The following TICRR variants were observed in gnomAD, a reference collection of about 807,000 sequenced individuals.
TICRR encodes the protein treslin.
TICRR carries 132 observed loss-of-function variants against 178.1 expected under a neutral mutation model. That is an observed-to-expected ratio of 0.74 (90% confidence interval 0.64 to 0.86). The LOEUF is 0.86. TICRR is among the 40% of genes least tolerant of loss of function. The pLI is 0.00. For missense variants in TICRR, 2,587 were observed against 2,334.3 expected, an observed-to-expected ratio of 1.11 and a Z score of -2.23; for synonymous variants, 991 against 900.7, an observed-to-expected ratio of 1.10 and a Z score of -1.79.
intron 9 of TICRR, 91 bp downstream of exon 9, chr15:89,600,776 G>A: frequency 1.6e-6 from 1 of 619,322 alleles, no homozygotes; most frequent in East Asian, 3.1e-5. Flanking sequence ...GTGACATGGT[G>A]GCTCATGCCT....
At chr15:89,622,570 C>G (rs903621002) in intron 19 of TICRR, among the ~76,000 whole-genome samples, 1 of 152,164 alleles carries the variant, frequency 6.6e-6, no homozygotes, top group African/African-American at 2.4e-5. Context: ...CAGTAAATTG[C>G]TTGGAGGTTG....
Position 89,582,718 on chromosome 15 carries a change from G to A in TICRR, c.687G>A (p.Trp229Ter). Residue 229 changes from tryptophan (W) to a stop codon, truncating the protein, a stop_gained, in exon 2 of 22, where the codon TGG becomes TGA. Transcript: ENST00000268138. LOFTEE classifies it high-confidence loss of function. ...LWESPDHLGY[W>*]TVCELLHHGG... ...AATCCCCAGACCACCTTGGATACTG[G>A]ACTGTTTGTGAACTGCTCCACCACG... 1 of 1,614,190 alleles carries A rather than the reference G, an allele frequency of 6.2e-7. No homozygotes were observed. Among genetic ancestry groups the A allele is most frequent in the Non-Finnish European group, 8.5e-7 (1 of 1,180,034 alleles).
chr15:89,584,204 G>A, intron 2 of TICRR, 82 bp from the exon 3 acceptor site: 2 of 1,303,142 alleles, frequency 1.5e-6, no homozygotes, highest in South Asian at 1.6e-5. Flanking sequence ...TCTCTTTTTA[G>A]TATCTATTCC....
rs565360158 is a variant in TICRR at position 89,627,468 on chromosome 15, G to A, written c.*382G>A. 4.6e-6 allele frequency: 1 copy of A among 218,392 alleles called. No homozygotes were observed. Among genetic ancestry groups the A allele is most frequent in the Non-Finnish European group, 9.0e-6 (1 of 110,706 alleles). 13.5% of individuals were successfully genotyped at this position (218,392 alleles called of 1,614,324 possible). On this transcript the variant is annotated 3_prime_UTR_variant, in exon 22 of 22. Coordinates refer to ENST00000268138, the MANE Select transcript of TICRR (RefSeq NM_152259.4). Reference sequence around the variant, plus strand: ...CTGGGGTCCCTTGAGCTGCTGTAAGGCTGGGCTGCTGCGACACAGGCAGCG... The same window carrying A: ...CTGGGGTCCCTTGAGCTGCTGTAAGACTGGGCTGCTGCGACACAGGCAGCG...
chr15:89,586,159 G>A (rs921802761), intron 4 of TICRR, among the ~76,000 whole-genome samples: 18 of 152,076 alleles, frequency 1.2e-4, no homozygotes, highest in Non-Finnish European at 1.9e-4. Flanking sequence ...GTCTGAAATC[G>A]AAGTCATGGT....
chr15:89,583,513 T>A (rs1962767203), intron 2 of TICRR, among the ~76,000 whole-genome samples: 1 of 152,244 alleles, frequency 6.6e-6, no homozygotes, highest in South Asian at 2.1e-4. Flanking sequence ...AAAACTGTTG[T>A]ACATTATGTG....
Position 89,602,691 on chromosome 15 carries a change from C to T in TICRR, c.2568-105C>T, listed in dbSNP as rs1450753678. On this transcript the variant is annotated intron_variant, in intron 12 of 21. Coordinates refer to ENST00000268138, the MANE Select transcript of TICRR (RefSeq NM_152259.4). ...CCCAGAACAACCTTAAGATAACTGG[C>T]TTTTATTTAAATCATATTTTATTTT... The T allele has an allele frequency of 5.4e-6, 3 of 553,966 alleles. No homozygotes were observed. In the East Asian group the frequency reaches 1.1e-4, roughly 20 times the overall value. The allele number at this position is 553,966 out of a possible 1,614,324, so 34.3% of individuals were successfully genotyped here. A position where few individuals can be genotyped will look rare whatever the true frequency, so the allele number is the denominator to read the frequency against.
intron 13 of TICRR, among the ~76,000 whole-genome samples, chr15:89,603,491 A>C (rs1374426772): frequency 6.6e-6 from 1 of 152,234 alleles, no homozygotes; most frequent in Non-Finnish European, 1.5e-5. Context: ...AGTCTAAGGC[A>C]GGGAGATTGC....
chr15:89,610,588 G>T (rs187317522), intron 15 of TICRR, among the ~76,000 whole-genome samples: 24 of 152,090 alleles, frequency 1.6e-4, no homozygotes, highest in African/African-American at 5.8e-4. Flanking sequence ...TAGTGTCTTT[G>T]TATCTAAATT....
chr15:89,625,696 G>T lies in TICRR; in HGVS notation c.5386G>T (p.Asp1796Tyr). 6.2e-7 allele frequency: 1 copy of T among 1,613,674 alleles called. No homozygotes were observed. The highest frequency in any genetic ancestry group is 8.5e-7 in the Non-Finnish European group (1 of 1,180,032). The stretch of plus-strand genomic sequence containing the variant: ...CAAAAGGATCTGTGACCTGAGAGAA[G>T]ATTCAGAAGTTAGTAAGAGTAAAGA... ...GAKRICDLRE[D>Y]SEVSKSKEGS... The change falls in exon 20 of 22, where the codon GAT becomes TAT. Residue 1796 changes from aspartate to tyrosine, a missense_variant. Transcript: ENST00000268138.
In TICRR at chr15:89,601,507, A is replaced by C. The variant is rs776262427; in HGVS notation, c.2266A>C (p.Met756Leu). The stretch of plus-strand genomic sequence containing the variant: ...CCTTCAGGTGACAGATTTGCTGCGC[A>C]TGGTGTGTTTAACTGAGGATTCAGC... ...VVEEVTDLLR[M>L]VCLTEDSAYL... The change falls in exon 11 of 22, where the codon ATG (methionine) becomes CTG (leucine). Residue 756 changes from methionine (M) to leucine (L), a missense_variant. Coordinates refer to ENST00000268138, the MANE Select transcript of TICRR (RefSeq NM_152259.4). The C allele has an allele frequency of 2.5e-6, 4 of 1,614,180 alleles. No homozygotes were observed. The highest frequency in any genetic ancestry group is 3.4e-6 in the Non-Finnish European group (4 of 1,180,026).
intron 7 of TICRR, 33 bp from the exon 8 acceptor site, chr15:89,599,291 T>C (rs1272546260): frequency 1.9e-6 from 3 of 1,548,986 alleles, no homozygotes; most frequent in Non-Finnish European, 2.6e-6. Context: ...GAGCAAGATA[T>C]GATTAATCCA....
intron 19 of TICRR, among the ~76,000 whole-genome samples, chr15:89,623,374 T>A (rs1309499020): frequency 6.6e-6 from 1 of 152,266 alleles, no homozygotes; most frequent in South Asian, 2.1e-4. Context: ...TTTAGCAATA[T>A]GTAGATTATT....
intron 15 of TICRR, among the ~76,000 whole-genome samples, chr15:89,615,429 T>A (rs1963320091): frequency 6.6e-6 from 1 of 152,230 alleles, no homozygotes; most frequent in Non-Finnish European, 1.5e-5. Flanking sequence ...ACCGTAGGGC[T>A]AGGGGGAAGG....
In TICRR at chr15:89,624,688, GAC is replaced by G. The variant is rs769727003; in HGVS notation, c.4382_4383del (p.Thr1461ArgfsTer8). The G allele has an allele frequency of 1.2e-6, 2 of 1,614,092 alleles. No homozygotes were observed. Among genetic ancestry groups the G allele is most frequent in the South Asian group, 2.2e-5 (2 of 91,078 alleles). ...ATCCTCTCCTCTGCTCATTACAAGT[GAC>G]ACAGAGCATGTCACTCTCCTCAGTG... Reference protein sequence around the residue: ...HASSPLLITSDTEHVTLLSEA... With the variant: ...HASSPLLITSXTEHVTLLSEA... On this transcript the variant is annotated frameshift_variant, in exon 20 of 22. Transcript: ENST00000268138. LOFTEE classifies it high-confidence loss of function.
chr15:89,624,903 G>C lies in TICRR; in HGVS notation c.4593G>C (p.Gly1531=). The change falls in exon 20 of 22, where the codon GGG becomes GGC. Residue 1531 remains glycine, a synonymous_variant. Coordinates refer to ENST00000268138, the MANE Select transcript of TICRR (RefSeq NM_152259.4). ...PSRDVHCTTD[G]RQCQASAQLD... is the part of the protein sequence containing the mutation. ...GTGACGTGCACTGTACCACAGATGG[G>C]AGACAGTGCCAGGCTTCGGCACAAC... 2 of 1,614,104 alleles carry C rather than the reference G, an allele frequency of 1.2e-6. No individual in the cohort carries two copies. Among genetic ancestry groups the C allele is most frequent in the South Asian group, 1.1e-5 (1 of 91,078 alleles).
Position 89,624,439 on chromosome 15 carries a change from C to A in TICRR, c.4129C>A (p.Pro1377Thr), listed in dbSNP as rs1963478284. The A allele has an allele frequency of 6.2e-7, 1 of 1,614,072 alleles. No homozygotes were observed. Among genetic ancestry groups the A allele is most frequent in the Non-Finnish European group, 8.5e-7 (1 of 1,180,046 alleles). ...RATLDTVPPPPPSKVGKRCRK... is the reference protein window; with the variant it reads ...RATLDTVPPPTPSKVGKRCRK... ...TACATTGGACACCGTCCCTCCTCCACCCCCTTCTAAAGTTGGGAAACGGTG... is the reference window on the plus strand; with the variant it reads ...TACATTGGACACCGTCCCTCCTCCAACCCCTTCTAAAGTTGGGAAACGGTG... The change falls in exon 20 of 22, where the codon CCC becomes ACC. Residue 1377 changes from proline to threonine, a missense_variant. Transcript: ENST00000268138.
intron 1 of TICRR, among the ~76,000 whole-genome samples, chr15:89,578,078 A>C (rs993438264): frequency 6.6e-6 from 1 of 152,156 alleles, no homozygotes; most frequent in Non-Finnish European, 1.5e-5. Context: ...CTAGTAGGCA[A>C]GGGGAGCAGT....
At chr15:89,586,649 A>G (rs1452880712) in intron 4 of TICRR, among the ~76,000 whole-genome samples, 2 of 152,200 alleles carry the variant, frequency 1.3e-5, no homozygotes, top group South Asian at 4.1e-4. Flanking sequence ...TAGGGTGGTC[A>G]GGGAAGGCCT....
Sources: gnomAD v4.1 joint callset for allele counts (sites outside exome capture counted in the v4.1 genomes callset) on GRCh38, gnomAD v4.1.1 for gene constraint, MANE v1.5 for transcripts, NCBI Gene and HGNC (gene_info 2026-07-23, HGNC 2026-07-21) for gene names.